Variants in TLL1 observed in about 807,000 individuals in gnomAD.
TLL1 encodes tolloid like 1.
In TLL1, 49 loss-of-function variants were observed where a neutral mutation model predicts 128.2. The ratio of observed to expected loss-of-function variants is 0.38; its 90% CI spans 0.30 to 0.48. The LOEUF (loss-of-function observed/expected upper bound fraction) is 0.48. Among genes scored for constraint, TLL1 ranks in the 20% least tolerant of loss-of-function variants. The pLI is 0.96. For synonymous variants in TLL1, 454 were observed against 418.8 expected, an observed-to-expected ratio of 1.08 and a Z score of -1.03; for missense variants, 1,123 against 1,242.0, an observed-to-expected ratio of 0.90 and a Z score of 1.44.
intron 1 of TLL1, among the ~76,000 whole-genome samples, chr4:165,988,408 A>G (rs1443048795): frequency 6.6e-6 from 1 of 152,018 alleles, no homozygotes; most frequent in Non-Finnish European, 1.5e-5. Flanking sequence ...CCAGGAGTTC[A>G]TTATCAGCCT....
chr4:166,046,546 G>A (rs1739467439), intron 12 of TLL1, among the ~76,000 whole-genome samples: 2 of 152,164 alleles, frequency 1.3e-5, no homozygotes, highest in Admixed American at 1.3e-4. Context: ...AATTTTGGAA[G>A]CCTAAAATTA....
chr4:165,932,973 C>T (rs1733596816), intron 1 of TLL1, among the ~76,000 whole-genome samples: 2 of 152,196 alleles, frequency 1.3e-5, no homozygotes, highest in East Asian at 3.9e-4. Flanking sequence ...GGTACATTTA[C>T]AGCTTCCGAT....
At position 165,977,039 on chromosome 4, in the gene TLL1, T is replaced by A. The variant is rs561192086; in HGVS notation, c.170-12342T>A. 5.9e-5 allele frequency among the ~76,000 whole-genome samples: 9 copies of A among 152,318 alleles called. No individual in the cohort carries two copies. In the East Asian group the frequency reaches 1.7e-3, roughly 29 times the overall value. ...TTGGATACCCCTGAATGAAGAGATA[T>A]TTAATCTTTAACTATAACAAAAGAA... On this transcript the variant is annotated intron_variant, in intron 1 of 20. Transcript: ENST00000061240.
intron 1 of TLL1, among the ~76,000 whole-genome samples, chr4:165,966,004 C>A (rs941916419): frequency 1.3e-5 from 2 of 151,974 alleles, no homozygotes; most frequent in South Asian, 2.1e-4. Flanking sequence ...GATGGCAAAA[C>A]CCTGTCTCTA....
intron 12 of TLL1, among the ~76,000 whole-genome samples, chr4:166,049,805 CATT>C (rs1320475220): frequency 1.3e-5 from 2 of 151,398 alleles, no homozygotes; most frequent in African/African-American, 2.4e-5. Flanking sequence ...AGATTTTTCT[CATT>C]ATAAAAATTA....
intron 9 of TLL1, among the ~76,000 whole-genome samples, chr4:166,029,027 G>C (rs1021025613): frequency 5.3e-5 from 8 of 151,842 alleles, no homozygotes; most frequent in African/African-American, 1.7e-4. Context: ...CATGATGGCA[G>C]GTTTTGTCTT....
intron 7 of TLL1, among the ~76,000 whole-genome samples, chr4:166,014,055 T>C (rs930285802): frequency 2.5e-4 from 38 of 151,908 alleles, no homozygotes; most frequent in African/African-American, 8.5e-4. Flanking sequence ...TAGTTTGCTA[T>C]TGGGGAAATA....
At chr4:166,092,359 A>T (rs1045376515) in intron 19 of TLL1, among the ~76,000 whole-genome samples, 1 of 152,068 alleles carries the variant, frequency 6.6e-6, no homozygotes, top group Non-Finnish European at 1.5e-5. Flanking sequence ...AGATATTGTC[A>T]GGATACTAAT....
intron 1 of TLL1, among the ~76,000 whole-genome samples, chr4:165,983,339 T>A (rs1347485913): frequency 6.6e-6 from 1 of 151,866 alleles, no homozygotes; most frequent in Non-Finnish European, 1.5e-5. Flanking sequence ...GAAAGATATG[T>A]TTATTTGGAA....
At chr4:165,917,488 G>A (rs967684539) in intron 1 of TLL1, among the ~76,000 whole-genome samples, 2 of 152,060 alleles carry the variant, frequency 1.3e-5, no homozygotes, top group African/African-American at 2.4e-5. Context: ...TAGGTATCAG[G>A]TGTAACTTTT....
chr4:166,030,561 T>G (rs1177719199), intron 9 of TLL1: 1 of 559,958 alleles, frequency 1.8e-6, no homozygotes, highest in African/African-American at 1.9e-5. Flanking sequence ...TTTGGTGTCA[T>G]AGCCAAGAAA....
At chr4:165,933,556 C>T (rs1733628354) in intron 1 of TLL1, among the ~76,000 whole-genome samples, 1 of 152,158 alleles carries the variant, frequency 6.6e-6, no homozygotes, top group South Asian at 2.1e-4. Flanking sequence ...AGTGACCATC[C>T]TTGGAAATTT....
chr4:166,082,420 C>A (rs1377915571), intron 18 of TLL1, among the ~76,000 whole-genome samples: 1 of 152,076 alleles, frequency 6.6e-6, no homozygotes, highest in Non-Finnish European at 1.5e-5. Context: ...GCTTGTGTTT[C>A]CCCGATTGAC....
At chr4:165,946,343 CT>C (rs137955144) in intron 1 of TLL1, among the ~76,000 whole-genome samples, 8 of 147,402 alleles carry the variant, frequency 5.4e-5, no homozygotes, top group Non-Finnish European at 4.5e-5. Context: ...TTTGTCATTC[CT>C]TTTTTTTTTG....
chr4:165,954,390 G>A (rs766880635), intron 1 of TLL1, among the ~76,000 whole-genome samples: 8 of 152,044 alleles, frequency 5.3e-5, no homozygotes, highest in Non-Finnish European at 1.2e-4. Flanking sequence ...CTTATAAAAA[G>A]ATAAATGGAA....
At chr4:165,958,108 CATT>C (rs1234626327) in intron 1 of TLL1, among the ~76,000 whole-genome samples, 2 of 143,976 alleles carry the variant, frequency 1.4e-5, no homozygotes, top group Non-Finnish European at 3.0e-5. Context: ...TCCAGTCTAT[CATT>C]GTTGGACATT....
intron 1 of TLL1, among the ~76,000 whole-genome samples, chr4:165,876,854 G>T (rs541887168): frequency 6.6e-6 from 1 of 152,122 alleles, no homozygotes; most frequent in Admixed American, 6.5e-5. Flanking sequence ...CTAGAGATGC[G>T]ATTGCTTGCA....
intron 1 of TLL1, among the ~76,000 whole-genome samples, chr4:165,896,304 T>A (rs1731678095): frequency 6.6e-6 from 1 of 152,160 alleles, no homozygotes; most frequent in African/African-American, 2.4e-5. Flanking sequence ...GGTGTATATG[T>A]GCCACATTTT....
intron 15 of TLL1, among the ~76,000 whole-genome samples, chr4:166,061,006 A>G (rs1333579954): frequency 6.6e-6 from 1 of 152,166 alleles, no homozygotes; most frequent in Non-Finnish European, 1.5e-5. Context: ...TATTAAATGA[A>G]CATGATTTTT....
Sources: allele counts gnomAD v4.1 joint callset (sites outside exome capture counted in the v4.1 genomes callset), GRCh38; gene constraint gnomAD v4.1.1; transcripts MANE v1.5; gene names NCBI Gene and HGNC (gene_info 2026-07-23, HGNC 2026-07-21).